Variants in GRIN2D observed in about 807,000 individuals in gnomAD.
GRIN2D encodes the protein glutamate ionotropic receptor NMDA type subunit 2D.
In GRIN2D, 37 loss-of-function variants were observed where a neutral mutation model predicts 103.2. The observed-to-expected ratio is 0.36, with a 90% CI of 0.28 to 0.47. The LOEUF is 0.47. Among genes scored for constraint, GRIN2D ranks in the 20% least tolerant of loss-of-function variants. GRIN2D has a pLI of 1.00. For synonymous variants in GRIN2D, 845 were observed against 885.6 expected (o/e 0.95, Z 0.81); for missense variants, 1,557 against 1,910.6 (o/e 0.81, Z 3.45).
At chr19:48,439,867 G>A (rs1052363189) in intron 11 of GRIN2D, among the ~76,000 whole-genome samples, 4 of 152,022 alleles carry the variant, frequency 2.6e-5, no homozygotes, top group Admixed American at 1.3e-4. Context: ...CGTTTGATCC[G>A]GGGAGGCGGA....
At chr19:48,412,142 C>T (rs1321640304) in intron 4 of GRIN2D, among the ~76,000 whole-genome samples, 5 of 151,456 alleles carry the variant, frequency 3.3e-5, no homozygotes, top group Admixed American at 6.6e-5. Context: ...CTGGCTAACA[C>T]GGTGAAACCC....
chr19:48,404,869 C>T lies in GRIN2D; in HGVS notation c.601C>T (p.Leu201=), dbSNP rs1436009369. ...TTRAPGHRAF[L]SYIEVLTDGS... ...TCGTGCCCCTGGCCACCGGGCCTTC[C>T]TGTCCTACATTGAGGTGCTGACTGA... is the stretch of plus-strand genomic sequence containing the variant. The change falls in exon 4 of 14, where the codon CTG becomes TTG. Residue 201 remains leucine (L), a synonymous_variant. Coordinates refer to ENST00000263269, the MANE Select transcript of GRIN2D (RefSeq NM_000836.4). 6.2e-7 allele frequency: 1 copy of T among 1,614,228 alleles called. No individual in the cohort carries two copies. The highest frequency in any genetic ancestry group is 8.5e-7 in the Non-Finnish European group (1 of 1,180,042).
chr19:48,411,468 G>A (rs956246093), intron 4 of GRIN2D, among the ~76,000 whole-genome samples: 4 of 151,800 alleles, frequency 2.6e-5, no homozygotes, highest in Admixed American at 1.3e-4. Context: ...TGACCAACAT[G>A]GTGAAACCCT....
intron 11 of GRIN2D, among the ~76,000 whole-genome samples, chr19:48,422,243 A>C (rs1971034066): frequency 6.6e-6 from 1 of 152,172 alleles, no homozygotes; most frequent in Non-Finnish European, 1.5e-5. Context: ...AGCCTCTCTG[A>C]ACCTCTGTTT....
intron 10 of GRIN2D, among the ~76,000 whole-genome samples, chr19:48,420,554 G>A (rs1332124319): frequency 4.6e-5 from 7 of 152,024 alleles, no homozygotes; most frequent in Non-Finnish European, 8.8e-5. Flanking sequence ...GGCCAGGAAC[G>A]GTGGCTCACG....
chr19:48,439,107 G>A (rs1276269462), intron 11 of GRIN2D, among the ~76,000 whole-genome samples: 2 of 149,200 alleles, frequency 1.3e-5, no homozygotes, highest in Non-Finnish European at 3.0e-5. Flanking sequence ...CACCCCATAA[G>A]GTCAGGTGTG....
In GRIN2D at chr19:48,411,373, C is replaced by T. The variant is rs1022712978; in HGVS notation, c.1086-2618C>T. Reference sequence around the variant, plus strand: ...AATAATAATAATAATAATAATAGGCCGGCAGTGGTGGCTCACGCCTGTAAT... The same window carrying T: ...AATAATAATAATAATAATAATAGGCTGGCAGTGGTGGCTCACGCCTGTAAT... On this transcript the variant is annotated intron_variant, in intron 4 of 13. Coordinates refer to ENST00000263269, the MANE Select transcript of GRIN2D (RefSeq NM_000836.4). Among the ~76,000 whole-genome samples, 6 of 143,246 alleles carry T rather than the reference C, an allele frequency of 4.2e-5. No homozygotes were observed. The East Asian group carries it at 5.9e-4, about 14-fold the overall frequency. 94.0% of individuals were successfully genotyped at this position (143,246 alleles called of 152,430 possible).
In GRIN2D at chr19:48,415,034, T is replaced by C; in HGVS notation, c.1581+2T>C. 6.4e-7 allele frequency: 1 copy of C among 1,572,122 alleles called. No individual in the cohort carries two copies. Among genetic ancestry groups the C allele is most frequent in the Non-Finnish European group, 8.7e-7 (1 of 1,155,428 alleles). On this transcript the variant is annotated splice_donor_variant, in intron 7 of 13. Coordinates refer to ENST00000263269, the MANE Select transcript of GRIN2D (RefSeq NM_000836.4). LOFTEE classifies it high-confidence loss of function. Reference sequence around the variant, plus strand: ...GTCTGGAACGGCATGATCGGGGAGGTGAGGGGGCGGACGGGAGGCGGGGAA... The same window carrying C: ...GTCTGGAACGGCATGATCGGGGAGGCGAGGGGGCGGACGGGAGGCGGGGAA...
intron 11 of GRIN2D, among the ~76,000 whole-genome samples, chr19:48,431,374 A>G (rs1971153177): frequency 6.6e-6 from 1 of 152,152 alleles, no homozygotes; most frequent in Admixed American, 6.6e-5. Flanking sequence ...CTTGTACTTG[A>G]TGGACAGTCA....
intron 11 of GRIN2D, among the ~76,000 whole-genome samples, chr19:48,434,187 T>C (rs925123849): frequency 3.9e-5 from 6 of 152,154 alleles, no homozygotes; most frequent in Non-Finnish European, 7.4e-5. Context: ...CCTGACCTCG[T>C]GATCCGCCTG....
intron 4 of GRIN2D, among the ~76,000 whole-genome samples, chr19:48,406,768 C>T (rs761152722): frequency 6.6e-6 from 1 of 152,016 alleles, no homozygotes; most frequent in Non-Finnish European, 1.5e-5. Context: ...GCGGGCATGG[C>T]GGGGGCACGG....
At chr19:48,401,297 T>C (rs1416592227) in intron 3 of GRIN2D, among the ~76,000 whole-genome samples, 2 of 151,874 alleles carry the variant, frequency 1.3e-5, no homozygotes, top group Admixed American at 1.3e-4. Flanking sequence ...GTCCCTGCCT[T>C]ATAGAGCTTG....
intron 11 of GRIN2D, among the ~76,000 whole-genome samples, chr19:48,432,986 T>C (rs1238757233): frequency 2.7e-5 from 4 of 148,380 alleles, no homozygotes; most frequent in Admixed American, 2.7e-4. Context: ...AGGTGGGGTT[T>C]CACCATGTTG....
rs781627060 is a variant in GRIN2D at position 48,443,946 on chromosome 19, C to A, written c.*9C>A. The A allele has an allele frequency of 8.6e-6, 12 of 1,390,824 alleles. No homozygotes were observed. The African/African-American group carries it at 1.8e-4, about 21-fold the overall frequency. 86.2% of individuals were successfully genotyped at this position (1,390,824 alleles called of 1,614,324 possible). A position where few individuals can be genotyped will look rare whatever the true frequency, so the allele number is the denominator to read the frequency against. ...TCGAGTCCGAGGTATGACGCGGCCC[C>A]GGGGGCCCCACCGCCCCCTTGGTCA... On this transcript the variant is annotated 3_prime_UTR_variant, in exon 14 of 14. Coordinates refer to ENST00000263269, the MANE Select transcript of GRIN2D (RefSeq NM_000836.4). This position sits in a 1 kb window ranked among gnomAD's most constrained non-coding sequence, Gnocchi z 8.9.
At chr19:48,412,452 A>G (rs542955534) in intron 4 of GRIN2D, among the ~76,000 whole-genome samples, 1 of 151,096 alleles carries the variant, frequency 6.6e-6, no homozygotes, top group South Asian at 2.1e-4. Flanking sequence ...AAAGAAAGAA[A>G]GAAAGAAAGA....
chr19:48,398,680 G>C lies in GRIN2D; in HGVS notation c.288G>C (p.Pro96=), dbSNP rs1600967466. 1 of 1,458,162 alleles carries C rather than the reference G, an allele frequency of 6.9e-7. No homozygotes were observed. The highest frequency in any genetic ancestry group is 9.0e-7 in the Non-Finnish European group (1 of 1,109,218). 90.3% of individuals were successfully genotyped at this position (1,458,162 alleles called of 1,614,324 possible). A position where few individuals can be genotyped will look rare whatever the true frequency, so the allele number is the denominator to read the frequency against. The change falls in exon 3 of 14, where the codon CCG becomes CCC. Residue 96 remains proline (P), a synonymous_variant. Coordinates refer to ENST00000263269, the MANE Select transcript of GRIN2D (RefSeq NM_000836.4). ...CGCTGGTGCTCAACGGCTCGGACCCGCGCAGCCTCGTGCTGCAGCTCTGCG... is the reference window on the plus strand; with the variant it reads ...CGCTGGTGCTCAACGGCTCGGACCCCCGCAGCCTCGTGCTGCAGCTCTGCG... ...PVALVLNGSD[P]RSLVLQLCDL...
chr19:48,440,798 T>C (rs536736223), intron 11 of GRIN2D, among the ~76,000 whole-genome samples: 98 of 152,244 alleles, frequency 6.4e-4, no homozygotes, highest in African/African-American at 1.9e-3. Flanking sequence ...GCAATTCTCC[T>C]GCCTCAACCT....
chr19:48,398,270 C>T (rs1430932922), intron 2 of GRIN2D, 97 bp from the exon 3 acceptor site: 1 of 393,534 alleles, frequency 2.5e-6, no homozygotes, highest in African/African-American at 2.2e-5. Context: ...CTCGCTGCAT[C>T]TCCTCCTCTG....
In GRIN2D at chr19:48,405,488, A is replaced by G; in HGVS notation, c.1085+135A>G. The G allele has an allele frequency of 1.1e-6, 1 of 886,924 alleles. No homozygotes were observed. Among genetic ancestry groups the G allele is most frequent in the Non-Finnish European group, 1.6e-6 (1 of 619,478 alleles). The allele number at this position is 886,924 out of a possible 1,614,324, so 54.9% of individuals were successfully genotyped here. On this transcript the variant is annotated intron_variant, in intron 4 of 13. Coordinates refer to ENST00000263269, the MANE Select transcript of GRIN2D (RefSeq NM_000836.4). This position sits in a 1 kb window ranked among gnomAD's most constrained non-coding sequence, Gnocchi z 5.1. ...GTTTTCTTTTCTGTAAAGTGGGTGC[A>G]ATTGGGTCTCTTTTCTGAGGTTAAA...
Sources: gnomAD v4.1 joint callset for allele counts (sites outside exome capture counted in the v4.1 genomes callset) on GRCh38, gnomAD v4.1.1 for gene constraint, Gnocchi (gnomAD v3.1) non-coding constraint, MANE v1.5 for transcripts, NCBI Gene and HGNC (gene_info 2026-07-23, HGNC 2026-07-21) for gene names.